The following KATNBL1 variants were observed in gnomAD, a reference collection of about 807,000 sequenced individuals.
KATNBL1 encodes the protein KATNB1-like protein 1.
In KATNBL1, 28 loss-of-function variants were observed where a neutral mutation model predicts 44.7. The ratio of observed to expected loss-of-function variants is 0.63; its 90% CI spans 0.46 to 0.86. The LOEUF is 0.86. Among genes scored for constraint, KATNBL1 ranks in the 40% least tolerant of loss-of-function variants. KATNBL1 has a pLI of 0.00. For synonymous variants in KATNBL1, 78 were observed against 114.9 expected (o/e 0.68, Z 2.06); for missense variants, 272 against 350.7 (o/e 0.78, Z 1.79).
chr15:34,179,428 C>A (rs1597449923), intron 1 of KATNBL1, among the ~76,000 whole-genome samples: 1 of 152,256 alleles, frequency 6.6e-6, no homozygotes, highest in East Asian at 1.9e-4. Flanking sequence ...CCTCTCAACA[C>A]TGTCACATAG....
intron 3 of KATNBL1, among the ~76,000 whole-genome samples, chr15:34,153,844 C>T (rs1406189342): frequency 6.6e-6 from 1 of 152,164 alleles, no homozygotes; most frequent in Non-Finnish European, 1.5e-5. Context: ...GCTGGGAATA[C>T]AGGTGTGAGC....
At chr15:34,195,879 T>C (rs1247482711) in intron 1 of KATNBL1, among the ~76,000 whole-genome samples, 1 of 152,136 alleles carries the variant, frequency 6.6e-6, no homozygotes, top group Non-Finnish European at 1.5e-5. Flanking sequence ...GCAAATAAAT[T>C]TAGGGTCCTA....
Position 34,147,250 on chromosome 15 carries a change from A to G in KATNBL1, c.648T>C (p.Cys216=), listed in dbSNP as rs1362639861. 1 of 1,612,996 alleles carries G rather than the reference A, an allele frequency of 6.2e-7. No homozygotes were observed. The highest frequency in any genetic ancestry group is 2.2e-5 in the East Asian group (1 of 44,844). Residue 216 remains cysteine (C), a synonymous_variant, in exon 7 of 10, where the codon TGT becomes TGC. Transcript: ENST00000256544. ...EEKQYISLGC[C]VDLLPLVKSL... is the part of the protein sequence containing the mutation. ...ACTTTACTAGAGGCAACAAGTCAACACAGCAGCCAAGTGAGATATATTGTT... is the reference window on the plus strand; with the variant it reads ...ACTTTACTAGAGGCAACAAGTCAACGCAGCAGCCAAGTGAGATATATTGTT...
chr15:34,173,273 A>G (rs1195199141), intron 1 of KATNBL1, among the ~76,000 whole-genome samples: 2 of 152,222 alleles, frequency 1.3e-5, no homozygotes, highest in African/African-American at 4.8e-5. Context: ...GTGTATCATA[A>G]TGGATGAAAA....
chr15:34,205,949 T>C (rs1393713272), intron 1 of KATNBL1, among the ~76,000 whole-genome samples: 1 of 152,208 alleles, frequency 6.6e-6, no homozygotes, highest in Non-Finnish European at 1.5e-5. Context: ...CTATGATTAA[T>C]CACACTAAGA....
At chr15:34,172,760 GACACAC>G (rs34182114) in intron 1 of KATNBL1, among the ~76,000 whole-genome samples, 6,320 of 146,402 alleles carry the variant, frequency 0.043, 290 homozygotes, top group African/African-American at 0.12. Context: ...CACAGACACA[GACACAC>G]ACACACACAC....
chr15:34,154,738 A>G, intron 2 of KATNBL1, 54 bp from the exon 3 acceptor site: 1 of 1,192,826 alleles, frequency 8.4e-7, no homozygotes, highest in Non-Finnish European at 1.2e-6. Flanking sequence ...GGTGCCGCAA[A>G]GAAGAATCAG....
intron 1 of KATNBL1, among the ~76,000 whole-genome samples, chr15:34,189,420 A>G (rs1223347227): frequency 1.3e-5 from 2 of 152,268 alleles, no homozygotes; most frequent in South Asian, 2.1e-4. Flanking sequence ...TAAATCTAAC[A>G]TCAAATAAGT....
chr15:34,204,550 G>A (rs1379658751), intron 1 of KATNBL1, among the ~76,000 whole-genome samples: 3 of 152,050 alleles, frequency 2.0e-5, no homozygotes, highest in Non-Finnish European at 4.4e-5. Flanking sequence ...TTTCCAACAG[G>A]TCTGTCAACA....
intron 1 of KATNBL1, among the ~76,000 whole-genome samples, chr15:34,184,360 G>T (rs145143427): frequency 1.3e-5 from 2 of 150,330 alleles, no homozygotes; most frequent in African/African-American, 4.9e-5. Flanking sequence ...TCAGCCACTC[G>T]GGAAAGTCAG....
chr15:34,150,319 A>T lies in KATNBL1; in HGVS notation c.439-1569T>A, dbSNP rs183609337. Among the ~76,000 whole-genome samples the T allele has an allele frequency of 3.4e-3, 514 of 152,336 alleles. 7 individuals are homozygous for T. Among genetic ancestry groups the T allele is most frequent in the African/African-American group, 0.011 (475 of 41,578 alleles). On this transcript the variant is annotated intron_variant, in intron 4 of 9. Transcript: ENST00000256544. ...AAGAACTTTTATTCTGGCCAGGCAC[A>T]GTGGCTCACACCTGTAATCCCAGCA...
At chr15:34,170,942 G>C (rs1432110787) in intron 1 of KATNBL1, among the ~76,000 whole-genome samples, 2 of 152,128 alleles carry the variant, frequency 1.3e-5, no homozygotes, top group East Asian at 3.8e-4. Context: ...ATTCAAGATG[G>C]ATTAAAGACT....
intron 1 of KATNBL1, among the ~76,000 whole-genome samples, chr15:34,166,662 C>G (rs1485648799): frequency 6.6e-6 from 1 of 152,240 alleles, no homozygotes; most frequent in African/African-American, 2.4e-5. Context: ...CCTGTGTAGC[C>G]TAACTGGGAG....
chr15:34,171,658 T>G (rs1011138127), intron 1 of KATNBL1, among the ~76,000 whole-genome samples: 3 of 152,226 alleles, frequency 2.0e-5, no homozygotes, highest in African/African-American at 7.2e-5. Context: ...GCAGCACTAT[T>G]CACAGTAGCA....
intron 1 of KATNBL1, among the ~76,000 whole-genome samples, chr15:34,168,600 C>G (rs760687931): frequency 6.6e-6 from 1 of 152,212 alleles, no homozygotes; most frequent in Non-Finnish European, 1.5e-5. Flanking sequence ...TAACAGACAT[C>G]TACAGAACTC....
chr15:34,195,240 A>C (rs943115503), intron 1 of KATNBL1, among the ~76,000 whole-genome samples: 2 of 152,246 alleles, frequency 1.3e-5, no homozygotes, highest in African/African-American at 4.8e-5. Flanking sequence ...TGTGGTACAT[A>C]TACAATATGG....
intron 1 of KATNBL1, among the ~76,000 whole-genome samples, chr15:34,194,727 T>A (rs1889985437): frequency 6.6e-6 from 1 of 152,134 alleles, no homozygotes; most frequent in South Asian, 2.1e-4. Flanking sequence ...TATCCAGAAT[T>A]TATAAGGATC....
intron 1 of KATNBL1, chr15:34,198,238 A>AG (rs1890077718): frequency 6.6e-6 from 1 of 152,216 alleles, no homozygotes; most frequent in Non-Finnish European, 1.5e-5. Context: ...CAGCTACATC[A>AG]TAGCATGTAA....
At chr15:34,159,973 G>A (rs1888748384) in intron 2 of KATNBL1, among the ~76,000 whole-genome samples, 1 of 152,032 alleles carries the variant, frequency 6.6e-6, no homozygotes, top group South Asian at 2.1e-4. Flanking sequence ...TGATTAAAAA[G>A]GTAATAAGCT....
Sources: allele counts gnomAD v4.1 joint callset (sites outside exome capture counted in the v4.1 genomes callset), GRCh38; gene constraint gnomAD v4.1.1; transcripts MANE v1.5; gene names NCBI Gene and HGNC (gene_info 2026-07-23, HGNC 2026-07-21).